ZFAND3: variants seen among roughly 807,000 people sequenced by gnomAD.
The protein encoded by ZFAND3 is AN1-type zinc finger protein 3.
Under a neutral mutation model 29.6 loss-of-function variants are expected in ZFAND3, and 10 were observed. The ratio of observed to expected loss-of-function variants is 0.34; its 90% CI spans 0.21 to 0.57. The LOEUF (loss-of-function observed/expected upper bound fraction) is 0.57. Among genes scored for constraint, ZFAND3 ranks in the 20% least tolerant of loss-of-function variants. The pLI is 0.86. For missense variants in ZFAND3, 230 were observed against 304.5 expected (o/e 0.76, Z 1.82); for synonymous variants, 128 against 112.6 (o/e 1.14, Z -0.87).
At chr6:37,880,920 G>A (rs1202805964) in intron 1 of ZFAND3, among the ~76,000 whole-genome samples, 4 of 149,092 alleles carry the variant, frequency 2.7e-5, no homozygotes, top group African/African-American at 1.0e-4. Context: ...TAGATGACAC[G>A]TTGGTGGGTG....
intron 5 of ZFAND3, among the ~76,000 whole-genome samples, chr6:38,151,147 C>G (rs1216206009): frequency 6.6e-6 from 1 of 152,116 alleles, no homozygotes; most frequent in Non-Finnish European, 1.5e-5. Flanking sequence ...TGGGAGACAC[C>G]CCGGTGCAGC....
rs573768689 is a variant in ZFAND3 at position 38,049,342 on chromosome 6, C to G, written c.113-12251C>G. Among the ~76,000 whole-genome samples the G allele has an allele frequency of 5.9e-4, 90 of 152,288 alleles. 1 individual carries two copies. The highest frequency in any genetic ancestry group is 1.8e-3 in the African/African-American group (76 of 41,548). On this transcript the variant is annotated intron_variant, in intron 2 of 5. Transcript: ENST00000287218. ...TATGTCAGGCACCGTTCTAAGACTT[C>G]CACATGTATTATCTGATCTGCAAAA...
intron 3 of ZFAND3, among the ~76,000 whole-genome samples, chr6:38,071,067 A>T (rs1471857221): frequency 2.0e-5 from 3 of 148,694 alleles, no homozygotes; most frequent in East Asian, 2.0e-4. Flanking sequence ...GAATTCTTTT[A>T]TATATATATA....
chr6:38,043,405 C>G (rs1004038571), intron 2 of ZFAND3, among the ~76,000 whole-genome samples: 2 of 149,644 alleles, frequency 1.3e-5, no homozygotes, highest in Non-Finnish European at 3.0e-5. Flanking sequence ...CTCCCCTTCC[C>G]TCTCCTCCCT....
chr6:38,054,412 A>AC (rs1444242613), intron 2 of ZFAND3, among the ~76,000 whole-genome samples: 32 of 151,300 alleles, frequency 2.1e-4, no homozygotes, highest in African/African-American at 7.7e-4. Context: ...AAAAAAAAAA[A>AC]AACAAGGAAG....
At chr6:38,043,163 T>C (rs1292359079) in intron 2 of ZFAND3, among the ~76,000 whole-genome samples, 4 of 152,112 alleles carry the variant, frequency 2.6e-5, no homozygotes, top group Non-Finnish European at 4.4e-5. Context: ...CATGCTGATA[T>C]TTCCTTTTCT....
At chr6:37,826,127 A>G (rs1415797455) in intron 1 of ZFAND3, among the ~76,000 whole-genome samples, 2 of 152,168 alleles carry the variant, frequency 1.3e-5, no homozygotes, top group African/African-American at 4.8e-5. Flanking sequence ...CTGTTTTTGA[A>G]GAAAGGTTAA....
intron 1 of ZFAND3, among the ~76,000 whole-genome samples, chr6:37,865,168 A>G (rs889537246): frequency 6.6e-6 from 1 of 152,206 alleles, no homozygotes; most frequent in African/African-American, 2.4e-5. Flanking sequence ...ACTGGGTGAC[A>G]CTTCGTCTCA....
At chr6:37,960,107 G>A (rs144787803) in intron 2 of ZFAND3, among the ~76,000 whole-genome samples, 173 of 152,312 alleles carry the variant, frequency 1.1e-3, no homozygotes, top group Admixed American at 2.5e-3. Flanking sequence ...ATACCGCAGT[G>A]TAGCATCTAT....
At chr6:38,084,798 A>G (rs1420861619) in intron 4 of ZFAND3, among the ~76,000 whole-genome samples, 1 of 152,246 alleles carries the variant, frequency 6.6e-6, no homozygotes, top group Non-Finnish European at 1.5e-5. Context: ...AAATTAATGC[A>G]ATGTCCAGGT....
In ZFAND3 at chr6:38,116,734, G is replaced by T; in HGVS notation, c.524G>T (p.Arg175Leu). ...GTGCAGCAGGAATTGGGATCGTGTC[G>T]CTGCGGTAAGCATCTCCCCCAGTGG... ...ELVQQELGSC[R>L]CGYVFCMLHR... The change falls in exon 5 of 6, where the codon CGC becomes CTC. Residue 175 changes from arginine (R) to leucine (L), a missense_variant. Physicochemically the swap from Arg to Leu is moderately radical, Grantham distance 102. Transcript: ENST00000287218. 2 of 1,613,554 alleles carry T rather than the reference G, an allele frequency of 1.2e-6. No homozygotes were observed. The highest frequency in any genetic ancestry group is 1.3e-5 in the African/African-American group (1 of 75,000).
chr6:38,126,174 C>A (rs1765631370), intron 5 of ZFAND3, among the ~76,000 whole-genome samples: 1 of 152,222 alleles, frequency 6.6e-6, no homozygotes, highest in South Asian at 2.1e-4. Context: ...ATTTTAATAT[C>A]AGTGGATTCA....
At chr6:37,873,667 T>A (rs1017787186) in intron 1 of ZFAND3, among the ~76,000 whole-genome samples, 1 of 152,182 alleles carries the variant, frequency 6.6e-6, no homozygotes, top group African/African-American at 2.4e-5. Context: ...AACAAATTGA[T>A]CTTCTTAGGG....
chr6:38,090,448 A>G (rs1459600144), intron 4 of ZFAND3, among the ~76,000 whole-genome samples: 1 of 152,206 alleles, frequency 6.6e-6, no homozygotes, highest in Non-Finnish European at 1.5e-5. Flanking sequence ...TGCACTCATC[A>G]TCTTGGGTCC....
intron 1 of ZFAND3, among the ~76,000 whole-genome samples, chr6:37,861,046 A>C (rs909400806): frequency 6.6e-6 from 1 of 152,064 alleles, no homozygotes; most frequent in Admixed American, 6.6e-5. Flanking sequence ...ATCACTTGGC[A>C]AGGAGTTCAA....
At chr6:38,110,990 G>A (rs184475546) in intron 4 of ZFAND3, among the ~76,000 whole-genome samples, 37 of 152,280 alleles carry the variant, frequency 2.4e-4, no homozygotes, top group African/African-American at 7.0e-4. Context: ...ATTTTCAGGC[G>A]GGAACATGAG....
At chr6:37,896,566 CTTTCTCTCTTTCTCTCTCTTTCTCTT>C (rs1765217544) in intron 1 of ZFAND3, among the ~76,000 whole-genome samples, 1 of 131,638 alleles carries the variant, frequency 7.6e-6, no homozygotes. Context: ...TTCTTTCTTT[CTTTCTCTCTTTCTCTCTCTTTCTCTT>C]TTTCTTTCTC....
rs759586122 is a variant in ZFAND3, at chr6:38,153,537, G to A, written c.*1148G>A. On this transcript the variant is annotated 3_prime_UTR_variant, in exon 6 of 6. Transcript: ENST00000287218. ...TGGGTTTGGATCTGTCTAGAACAGC[G>A]GTTTGTGGCTGTGGCCCAGCTCCGA... The A allele has an allele frequency of 9.1e-5, 90 of 985,458 alleles. No individual in the cohort carries two copies. The highest frequency in any genetic ancestry group is 1.1e-4 in the Non-Finnish European group (88 of 830,030). 61.0% of individuals were successfully genotyped at this position (985,458 alleles called of 1,614,324 possible).
chr6:37,973,008 G>T (rs1762416048), intron 2 of ZFAND3, among the ~76,000 whole-genome samples: 1 of 151,932 alleles, frequency 6.6e-6, no homozygotes, highest in Admixed American at 6.6e-5. Flanking sequence ...GTTTTTGTTG[G>T]CATTTCCCTC....
Sources: allele counts gnomAD v4.1 joint callset (sites outside exome capture counted in the v4.1 genomes callset), GRCh38; gene constraint gnomAD v4.1.1; transcripts MANE v1.5; gene names NCBI Gene and HGNC (gene_info 2026-07-23, HGNC 2026-07-21).